PGM2: variants seen among roughly 807,000 people sequenced by gnomAD.
PGM2 encodes the protein phosphopentomutase.
Under a neutral mutation model 74.6 loss-of-function variants are expected in PGM2, and 57 were observed. The ratio of observed to expected loss-of-function variants is 0.76; its 90% CI spans 0.62 to 0.95. The LOEUF (loss-of-function observed/expected upper bound fraction) is 0.95. PGM2 is among the 40% of genes least tolerant of loss of function. The pLI, the probability that PGM2 is intolerant of heterozygous loss-of-function variation, is 0.00. For missense variants in PGM2, 706 were observed against 741.9 expected (o/e 0.95, Z 0.56); for synonymous variants, 273 against 260.7 (o/e 1.05, Z -0.46).
intron 2 of PGM2, 62 bp downstream of exon 2, chr4:37,830,193 C>A (rs1013120463): frequency 1.7e-6 from 2 of 1,198,166 alleles, no homozygotes; most frequent in Non-Finnish European, 2.3e-6. Flanking sequence ...TTCTATTTGG[C>A]AGACCTAATT....
chr4:37,847,848 G>C (rs1316007035), intron 10 of PGM2, among the ~76,000 whole-genome samples: 2 of 152,194 alleles, frequency 1.3e-5, no homozygotes, highest in Non-Finnish European at 2.9e-5. Context: ...AACTCACATT[G>C]TACCAAACGC....
intron 13 of PGM2, among the ~76,000 whole-genome samples, chr4:37,858,529 T>C (rs1344090543): frequency 6.6e-6 from 1 of 150,594 alleles, no homozygotes; most frequent in South Asian, 2.1e-4. Context: ...TTTTTTTTTT[T>C]AGTAGAGACA....
chr4:37,861,656 C>A lies in PGM2; in HGVS notation c.*44C>A. ...ATACTTGCATTTACCTACAATTAAG[C>A]TGGGTTTAACTTGTTAAGCAATATT... On this transcript the variant is annotated 3_prime_UTR_variant, in exon 14 of 14. Coordinates refer to ENST00000381967, the MANE Select transcript of PGM2 (RefSeq NM_018290.4). The A allele has an allele frequency of 8.3e-7, 1 of 1,204,462 alleles. No homozygotes were observed. Among genetic ancestry groups the A allele is most frequent in the Non-Finnish European group, 1.2e-6 (1 of 806,892 alleles). The allele number at this position is 1,204,462 out of a possible 1,614,324, so 74.6% of individuals were successfully genotyped here. A position where few individuals can be genotyped will look rare whatever the true frequency, so the allele number is the denominator to read the frequency against.
chr4:37,851,446 A>T (rs970393840), intron 12 of PGM2, among the ~76,000 whole-genome samples: 5 of 151,960 alleles, frequency 3.3e-5, no homozygotes, highest in African/African-American at 1.2e-4. Flanking sequence ...ACTGGAGACA[A>T]AAGAAGACAC....
intron 7 of PGM2, 76 bp from the exon 8 acceptor site, chr4:37,845,557 G>C (rs1344311607): frequency 2.0e-6 from 2 of 986,194 alleles, no homozygotes; most frequent in East Asian, 2.4e-5. Context: ...AGTTCTTAAG[G>C]AACTGAATGT....
At chr4:37,850,623 A>C (rs2152180075) in intron 12 of PGM2, among the ~76,000 whole-genome samples, 1 of 152,260 alleles carries the variant, frequency 6.6e-6, no homozygotes, top group African/African-American at 2.4e-5. Context: ...CAACACGGCA[A>C]AACCCGGTCT....
intron 13 of PGM2, among the ~76,000 whole-genome samples, chr4:37,857,523 A>C (rs1473724825): frequency 1.3e-5 from 2 of 152,212 alleles, no homozygotes; most frequent in African/African-American, 4.8e-5. Context: ...TAAAACGTGG[A>C]CACAAGGACT....
intron 12 of PGM2, among the ~76,000 whole-genome samples, chr4:37,852,615 G>A (rs374892625): frequency 1.3e-5 from 2 of 152,314 alleles, no homozygotes; most frequent in East Asian, 3.9e-4. Context: ...AGTTTTGAAA[G>A]CATTGCTCCA....
intron 8 of PGM2, 109 bp from the exon 9 acceptor site, chr4:37,846,822 A>G (rs1344493773): frequency 4.7e-6 from 4 of 845,472 alleles, no homozygotes; most frequent in Non-Finnish European, 7.4e-6. Context: ...AGCCTTGCAG[A>G]AAATACTTAG....
intron 2 of PGM2, among the ~76,000 whole-genome samples, chr4:37,833,428 G>A (rs1278702291): frequency 1.3e-5 from 2 of 152,148 alleles, no homozygotes; most frequent in African/African-American, 4.8e-5. Flanking sequence ...AGACATGGTA[G>A]CATGTGCCTG....
rs1369597845 is a variant in PGM2 at position 37,834,654 on chromosome 4, T to G, written c.286T>G (p.Leu96Val). The change falls in exon 3 of 14, where the codon TTA becomes GTA. Residue 96 changes from leucine (L) to valine (V), a missense_variant. This residue lies in a region of PGM2 where 332 missense variants were observed against 334.9 expected (regional missense o/e 0.99). Transcript: ENST00000381967. ...CRYLEKQFSDLKQKGIVISFD... is the reference protein window; with the variant it reads ...CRYLEKQFSDVKQKGIVISFD... Reference sequence around the variant, plus strand: ...ATACCTGGAAAAACAATTCAGTGACTTAAAGCAGAAAGGCATCGTGATCAG... The same window carrying G: ...ATACCTGGAAAAACAATTCAGTGACGTAAAGCAGAAAGGCATCGTGATCAG... 6.2e-7 allele frequency: 1 copy of G among 1,600,658 alleles called. No individual in the cohort carries two copies. Among genetic ancestry groups the G allele is most frequent in the Admixed American group, 1.7e-5 (1 of 59,386 alleles).
At chr4:37,844,252 C>T in intron 6 of PGM2, 112 bp from the exon 7 acceptor site, 1 of 650,714 alleles carries the variant, frequency 1.5e-6, no homozygotes, top group South Asian at 2.2e-5. Flanking sequence ...TTTTGTTTTT[C>T]TGAAATGGAA....
At chr4:37,840,964 G>GTATATA (rs58764009) in intron 6 of PGM2, among the ~76,000 whole-genome samples, 3 of 139,946 alleles carry the variant, frequency 2.1e-5, no homozygotes, top group Admixed American at 7.1e-5. Flanking sequence ...GTGTGTGTGT[G>GTATATA]TATATATATA....
intron 11 of PGM2, 118 bp downstream of exon 11, chr4:37,848,769 T>C: frequency 1.2e-6 from 1 of 838,044 alleles, no homozygotes; most frequent in South Asian, 1.7e-5. Flanking sequence ...GAATTCTATT[T>C]CTTATAAAAA....
chr4:37,848,481 A>C, intron 10 of PGM2, 41 bp from the exon 11 acceptor site: 1 of 1,566,992 alleles, frequency 6.4e-7, no homozygotes, highest in Non-Finnish European at 8.7e-7. Flanking sequence ...GTGGTTTGAC[A>C]CAGTATTGTA....
In PGM2 at chr4:37,826,817, AG is replaced by A; in HGVS notation, c.81+8del. On this transcript the variant is annotated splice_donor_5th_base_variant and intron_variant, in intron 1 of 13. Coordinates refer to ENST00000381967, the MANE Select transcript of PGM2 (RefSeq NM_018290.4). ...CCAGTGGCTGCGCTGGGACAAGGTG[AG>A]GGGCACCAGCAGGCGGGGAGCGCCT... 1 of 1,538,304 alleles carries A rather than the reference AG, an allele frequency of 6.5e-7. No homozygotes were observed. Among genetic ancestry groups the A allele is most frequent in the Non-Finnish European group, 8.8e-7 (1 of 1,137,006 alleles).
At chr4:37,854,844 G>C (rs1005791305) in intron 12 of PGM2, among the ~76,000 whole-genome samples, 2 of 151,838 alleles carry the variant, frequency 1.3e-5, no homozygotes, top group South Asian at 4.1e-4. Flanking sequence ...AATAGAACTA[G>C]GGAAGTAAAA....
intron 12 of PGM2, among the ~76,000 whole-genome samples, chr4:37,850,990 CAAAAAAAAA>C (rs34801450): frequency 9.3e-6 from 1 of 107,360 alleles, no homozygotes; most frequent in African/African-American, 3.9e-5. Context: ...GACTTCATCT[CAAAAAAAAA>C]AAAAAAAAAA....
intron 13 of PGM2, among the ~76,000 whole-genome samples, chr4:37,857,074 CA>C (rs1264345262): frequency 6.6e-6 from 1 of 152,032 alleles, no homozygotes; most frequent in Admixed American, 6.6e-5. Context: ...TTAGATTAGA[CA>C]AAGTAGATTT....
Sources: allele counts gnomAD v4.1 joint callset (sites outside exome capture counted in the v4.1 genomes callset), GRCh38; gene constraint gnomAD v4.1.1; regional missense constraint gnomAD v4.1.1; transcripts MANE v1.5; gene names NCBI Gene and HGNC (gene_info 2026-07-23, HGNC 2026-07-21).